BRWD1: variants seen among roughly 807,000 people sequenced by gnomAD.
BRWD1 encodes the protein bromodomain and WD repeat-containing protein 1.
A neutral mutation model predicts 251.2 loss-of-function variants in BRWD1; 82 were observed. The observed-to-expected ratio is 0.33, with a 90% CI of 0.27 to 0.39. The LOEUF (loss-of-function observed/expected upper bound fraction) is 0.39. BRWD1 is among the 10% of genes least tolerant of loss of function. The probability of loss-of-function intolerance (pLI) is 1.00; values close to 1 mark genes in which losing one functional copy is unlikely to be tolerated. For missense variants in BRWD1, 2,233 were observed against 2,711.6 expected (o/e 0.82, Z 3.92); for synonymous variants, 918 against 902.8 (o/e 1.02, Z -0.30).
intron 20 of BRWD1, among the ~76,000 whole-genome samples, chr21:39,248,609 T>C (rs2034279411): frequency 8.3e-6 from 1 of 120,918 alleles, no homozygotes. Context: ...ACCACAACAC[T>C]CCAGCCTGGG....
intron 8 of BRWD1, among the ~76,000 whole-genome samples, chr21:39,290,468 G>A (rs1048483299): frequency 6.7e-6 from 1 of 149,306 alleles, no homozygotes; most frequent in African/African-American, 2.5e-5. Flanking sequence ...TCCAGCCTGG[G>A]CAACAGAGCA....
At chr21:39,213,304 G>A (rs1051673260) in intron 33 of BRWD1, among the ~76,000 whole-genome samples, 177 bp downstream of exon 33, 4 of 152,086 alleles carry the variant, frequency 2.6e-5, no homozygotes, top group African/African-American at 7.2e-5. Context: ...TTTGATATTA[G>A]CTAAAACAAA....
Position 39,194,108 on chromosome 21 carries a change from T to C in BRWD1, c.*2151A>G. 2.0e-6 allele frequency: 2 copies of C among 985,444 alleles called. No individual in the cohort carries two copies. The highest frequency in any genetic ancestry group is 2.4e-6 in the Non-Finnish European group (2 of 829,832). 61.0% of individuals were successfully genotyped at this position (985,444 alleles called of 1,614,324 possible). On this transcript the variant is annotated 3_prime_UTR_variant, in exon 41 of 41. Transcript: ENST00000342449. ...ATGCAAGGGTCTAACTATTTTGGAC[T>C]GAAAGAAAAAATGGTAATTGGATGG...
chr21:39,224,580 C>A (rs1402365743), intron 28 of BRWD1, 111 bp from the exon 29 acceptor site: 4 of 646,500 alleles, frequency 6.2e-6, no homozygotes, highest in Non-Finnish European at 8.0e-6. Flanking sequence ...TGCAGCAGTA[C>A]AATTTTAAAT....
At chr21:39,248,028 G>GA (rs2034257205) in intron 20 of BRWD1, among the ~76,000 whole-genome samples, 196 bp from the exon 21 acceptor site, 1 of 152,108 alleles carries the variant, frequency 6.6e-6, no homozygotes, top group Admixed American at 6.6e-5. Flanking sequence ...GAAAACATGA[G>GA]AAAATGCACA....
intron 4 of BRWD1, among the ~76,000 whole-genome samples, chr21:39,306,098 TCTCA>T (rs2146790605): frequency 6.8e-6 from 1 of 148,014 alleles, no homozygotes; most frequent in South Asian, 2.2e-4. Flanking sequence ...TGAGACCGAG[TCTCA>T]CTCTGTCACC....
At chr21:39,274,497 T>C in intron 12 of BRWD1, 25 bp from the exon 13 acceptor site, 2 of 1,555,614 alleles carry the variant, frequency 1.3e-6, no homozygotes, top group Middle Eastern at 1.7e-4. Flanking sequence ...AACAGGATCT[T>C]ACTATATTCA....
chr21:39,300,088 C>G (rs1448451405), intron 4 of BRWD1, among the ~76,000 whole-genome samples: 1 of 152,094 alleles, frequency 6.6e-6, no homozygotes, highest in Non-Finnish European at 1.5e-5. Context: ...CCACTCAAAC[C>G]TCTAACAAAC....
intron 20 of BRWD1, among the ~76,000 whole-genome samples, chr21:39,249,944 G>A (rs2034338851): frequency 1.4e-5 from 2 of 147,180 alleles, no homozygotes; most frequent in African/African-American, 5.0e-5. Flanking sequence ...GTGTGTGTGT[G>A]TGTGTGTGTG....
rs762381281 is a variant in BRWD1, at chr21:39,294,040, A to G, written c.610-8T>C. 3.7e-6 allele frequency: 6 copies of G among 1,606,826 alleles called. No individual in the cohort carries two copies. Among genetic ancestry groups the G allele is most frequent in the Non-Finnish European group, 4.3e-6 (5 of 1,174,618 alleles). On this transcript the variant is annotated splice_polypyrimidine_tract_variant and splice_region_variant and intron_variant, in intron 7 of 40. Transcript: ENST00000342449. ...CAAACAGTCATCTGAACCCTAAGAA[A>G]AAATATATCCAAAAATTAATGTTAG...
In BRWD1 at chr21:39,186,874, T is replaced by C; in HGVS notation, c.*9385A>G. The C allele has an allele frequency of 7.6e-7, 1 of 1,311,358 alleles. No individual in the cohort carries two copies. Among genetic ancestry groups the C allele is most frequent in the Non-Finnish European group, 1.0e-6 (1 of 987,760 alleles). 81.2% of individuals were successfully genotyped at this position (1,311,358 alleles called of 1,614,324 possible). On this transcript the variant is annotated 3_prime_UTR_variant, in exon 41 of 41. Coordinates refer to ENST00000342449, the MANE Select transcript of BRWD1 (RefSeq NM_033656.4). Reference sequence around the variant, plus strand: ...CCAGAGCACATGTCTGTACAAGAGCTGACTGGGAGGAACCCACTGGATTAT... The same window carrying C: ...CCAGAGCACATGTCTGTACAAGAGCCGACTGGGAGGAACCCACTGGATTAT...
rs2146428710 is a variant in BRWD1, at chr21:39,186,832, T to G, written c.*9427A>C. The G allele has an allele frequency of 1.1e-6, 1 of 889,930 alleles. No individual in the cohort carries two copies. Among genetic ancestry groups the G allele is most frequent in the East Asian group, 3.2e-5 (1 of 31,122 alleles). The allele number at this position is 889,930 out of a possible 1,614,324, so 55.1% of individuals were successfully genotyped here. ...TCCACCTACAGACTCTGCAATTTATTTCCTCCTCAGAATTCCCCAGAGCAC... is the reference window on the plus strand; with the variant it reads ...TCCACCTACAGACTCTGCAATTTATGTCCTCCTCAGAATTCCCCAGAGCAC... On this transcript the variant is annotated 3_prime_UTR_variant, in exon 41 of 41. Coordinates refer to ENST00000342449, the MANE Select transcript of BRWD1 (RefSeq NM_033656.4).
At chr21:39,265,121 G>GAA (rs879111779) in intron 15 of BRWD1, 102 bp from the exon 16 acceptor site, 2,961 of 812,098 alleles carry the variant, frequency 3.6e-3, no homozygotes, top group South Asian at 5.4e-3. Context: ...TATCCCTTCT[G>GAA]AAAAAAAAAA....
At chr21:39,252,883 T>C (rs1201453260) in intron 19 of BRWD1, among the ~76,000 whole-genome samples, 6 of 152,228 alleles carry the variant, frequency 3.9e-5, no homozygotes, top group African/African-American at 1.4e-4. Context: ...AATGCCCTTT[T>C]TGACATCTGA....
intron 4 of BRWD1, among the ~76,000 whole-genome samples, chr21:39,305,376 C>A (rs962442048): frequency 6.6e-6 from 1 of 152,154 alleles, no homozygotes; most frequent in East Asian, 1.9e-4. Context: ...CCCTTAGATA[C>A]AAATAACTTC....
intron 15 of BRWD1, among the ~76,000 whole-genome samples, chr21:39,265,746 G>A (rs1183989283): frequency 6.6e-6 from 1 of 152,146 alleles, no homozygotes; most frequent in Non-Finnish European, 1.5e-5. Flanking sequence ...ATTTTAAGGT[G>A]GGCTCTACTT....
chr21:39,187,507 G>A lies in BRWD1; in HGVS notation c.*8752C>T. On this transcript the variant is annotated 3_prime_UTR_variant, in exon 41 of 41. Transcript: ENST00000342449. ...AACATTCCTCAACAACACTCATTCG[G>A]AAACAATAAATTTAAAAGTCATATT... is the stretch of plus-strand genomic sequence containing the variant. The A allele has an allele frequency of 2.1e-6, 3 of 1,440,462 alleles. No individual in the cohort carries two copies. The highest frequency in any genetic ancestry group is 1.6e-5 in the South Asian group (1 of 63,628). 89.2% of individuals were successfully genotyped at this position (1,440,462 alleles called of 1,614,324 possible).
At position 39,218,456 on chromosome 21, in the gene BRWD1, GA is replaced by G. The variant is rs541404691; in HGVS notation, c.3538+48del. On this transcript the variant is annotated intron_variant, in intron 30 of 40. Transcript: ENST00000342449. ...TGCTAGTATTTTTAAATACCTTTAT[GA>G]AAAAAATTGAAAAAAAAACTTTTCA... is the stretch of plus-strand genomic sequence containing the variant. 4,229 of 1,494,362 alleles carry G rather than the reference GA, an allele frequency of 2.8e-3. 7 individuals are homozygous for G. The highest frequency in any genetic ancestry group is 5.0e-3 in the Admixed American group (213 of 42,908). 92.6% of individuals were successfully genotyped at this position (1,494,362 alleles called of 1,614,324 possible).
rs762741694 is a variant in BRWD1 at position 39,274,473 on chromosome 21, C to CTTAA, written c.1146-5_1146-2dup. On this transcript the variant is annotated splice_acceptor_variant, in intron 12 of 40. Coordinates refer to ENST00000342449, the MANE Select transcript of BRWD1 (RefSeq NM_033656.4). LOFTEE classifies it high-confidence loss of function. ...TCCATCTCTGCTACCACTTAGGAACCTTAAAACATTCAGAACAGGATCTTA... is the reference window on the plus strand; with the variant it reads ...TCCATCTCTGCTACCACTTAGGAACCTTAATTAAAACATTCAGAACAGGATCTTA... 6.2e-7 allele frequency: 1 copy of CTTAA among 1,611,336 alleles called. No individual in the cohort carries two copies. The highest frequency in any genetic ancestry group is 1.7e-5 in the Admixed American group (1 of 59,996).
Sources: allele counts gnomAD v4.1 joint callset (sites outside exome capture counted in the v4.1 genomes callset), GRCh38; gene constraint gnomAD v4.1.1; transcripts MANE v1.5; gene names NCBI Gene and HGNC (gene_info 2026-07-23, HGNC 2026-07-21).